Variants in GATA3 observed in about 807,000 individuals in gnomAD.
GATA3 encodes the protein trans-acting T-cell-specific transcription factor GATA-3.
In GATA3, 6 loss-of-function variants were observed where a neutral mutation model predicts 36.0. The ratio of observed to expected loss-of-function variants is 0.17; its 90% CI spans 0.09 to 0.33. The LOEUF (loss-of-function observed/expected upper bound fraction) is 0.33. Ranked by LOEUF, GATA3 falls within the 10% of genes least tolerant of loss-of-function variation. The pLI, the probability that GATA3 is intolerant of heterozygous loss-of-function variation, is 1.00. For synonymous variants in GATA3, 326 were observed against 273.0 expected (o/e 1.19, Z -1.92); for missense variants, 514 against 610.1 (o/e 0.84, Z 1.66).
At chr10:8,050,827 G>A (rs188900466), upstream of GATA3, 714 of 382,070 alleles carry the variant, frequency 1.9e-3, 7 homozygotes, top group East Asian at 0.025. Flanking sequence ...CGGGCGGCCC[G>A]AGGCACGCTC....
At position 8,075,040 on chromosome 10, in the gene GATA3, C is replaced by T. The variant is rs564050871; in HGVS notation, c.*1017C>T. On this transcript the variant is annotated 3_prime_UTR_variant, in exon 6 of 6. Coordinates refer to ENST00000379328, the MANE Select transcript of GATA3 (RefSeq NM_001002295.2). ...AGGGTAGCAGTGTATGAGCTACCAG[C>T]GTGCATGTCAGCGACCCTGGCCCGA... 2.1e-5 allele frequency: 5 copies of T among 233,210 alleles called. No homozygotes were observed. The East Asian group carries it at 3.0e-4, about 14-fold the overall frequency. The allele number at this position is 233,210 out of a possible 1,614,324, so 14.4% of individuals were successfully genotyped here.
At chr10:8,063,076 G>T (rs115480318) in intron 3 of GATA3, among the ~76,000 whole-genome samples, 1 of 152,112 alleles carries the variant, frequency 6.6e-6, no homozygotes, top group South Asian at 2.1e-4. Flanking sequence ...CTGGTTTTTC[G>T]TTTATTTTGT....
At chr10:8,073,654 G>C (rs1045370792) in intron 5 of GATA3, 85 bp from the exon 6 acceptor site, 1 of 1,453,710 alleles carries the variant, frequency 6.9e-7, no homozygotes, top group Non-Finnish European at 9.2e-7. Context: ...GCGGTCAGTG[G>C]AACCCTTCTT....
rs1211172014 is a variant in GATA3 at position 8,074,381 on chromosome 10, A to C, written c.*358A>C. ...CTGTAAGGCATGAAGGATGCCAAGAAGTTTAAGGAATATGGGAGAAATAGT... is the reference window on the plus strand; with the variant it reads ...CTGTAAGGCATGAAGGATGCCAAGACGTTTAAGGAATATGGGAGAAATAGT... On this transcript the variant is annotated 3_prime_UTR_variant, in exon 6 of 6. Transcript: ENST00000379328. 1 of 282,846 alleles carries C rather than the reference A, an allele frequency of 3.5e-6. No homozygotes were observed. 17.5% of individuals were successfully genotyped at this position (282,846 alleles called of 1,614,324 possible).
chr10:8,056,974 C>A (rs1832650635), intron 2 of GATA3, among the ~76,000 whole-genome samples: 1 of 152,214 alleles, frequency 6.6e-6, no homozygotes, highest in African/African-American at 2.4e-5. Flanking sequence ...TGCCTTGACA[C>A]GGATGACATA....
chr10:8,049,145 G>A (rs942585942), upstream of GATA3, among the ~76,000 whole-genome samples: 1 of 141,294 alleles, frequency 7.1e-6, no homozygotes, highest in Admixed American at 6.9e-5. Flanking sequence ...GGAAGGAAAA[G>A]AAAAAAGGGT....
intron 2 of GATA3, among the ~76,000 whole-genome samples, chr10:8,056,136 G>A (rs1832632977): frequency 6.6e-6 from 1 of 152,144 alleles, no homozygotes; most frequent in African/African-American, 2.4e-5. Flanking sequence ...CCTGGGGCCT[G>A]GCGCTCACCT....
At chr10:8,051,064 C>A, upstream of GATA3, 1 of 528,202 alleles carries the variant, frequency 1.9e-6, no homozygotes. Flanking sequence ...CAGAAAGCCG[C>A]GCCTCCGCTC....
chr10:8,055,333 G>T lies in GATA3; in HGVS notation c.-323G>T. ...CCTCCGAGCGGCTGAGGACCCCGGT[G>T]CAGAGGAGCCTGGCTCGCAGAATTG... On this transcript the variant is annotated 5_prime_UTR_variant, in exon 2 of 6. Coordinates refer to ENST00000379328, the MANE Select transcript of GATA3 (RefSeq NM_001002295.2). This position sits in a 1 kb window ranked among gnomAD's most constrained non-coding sequence, Gnocchi z 5.4. 1 of 477,348 alleles carries T rather than the reference G, an allele frequency of 2.1e-6. No homozygotes were observed. The highest frequency in any genetic ancestry group is 3.8e-6 in the Non-Finnish European group (1 of 263,868). 29.6% of individuals were successfully genotyped at this position (477,348 alleles called of 1,614,324 possible).
At chr10:8,051,280 C>A, upstream of GATA3, 1 of 306,460 alleles carries the variant, frequency 3.3e-6, no homozygotes, top group Non-Finnish European at 7.0e-6. Context: ...ATACCCCGCT[C>A]AACTTGACGC....
At chr10:8,062,417 G>A (rs1376142781) in intron 3 of GATA3, among the ~76,000 whole-genome samples, 3 of 148,894 alleles carry the variant, frequency 2.0e-5, no homozygotes, top group African/African-American at 7.5e-5. Context: ...CACCATCCCT[G>A]ACTTTCAAGG....
chr10:8,057,716 C>T (rs1458843493), intron 2 of GATA3, among the ~76,000 whole-genome samples: 4 of 152,156 alleles, frequency 2.6e-5, no homozygotes, highest in African/African-American at 9.7e-5. Flanking sequence ...CGGAAACTAA[C>T]CCTGAAAGTC....
intron 3 of GATA3, among the ~76,000 whole-genome samples, chr10:8,060,997 C>T (rs1832738257): frequency 6.6e-6 from 1 of 151,938 alleles, no homozygotes; most frequent in Admixed American, 6.6e-5. Context: ...TTTCGAGAAG[C>T]CCCTCCTTTT....
At chr10:8,066,882 T>C (rs1832852185) in intron 4 of GATA3, among the ~76,000 whole-genome samples, 3 of 152,210 alleles carry the variant, frequency 2.0e-5, no homozygotes, top group Admixed American at 1.3e-4. Context: ...TTGCTGTCAA[T>C]AGACTGCAAA....
chr10:8,067,484 G>T (rs193177650), intron 4 of GATA3, among the ~76,000 whole-genome samples: 212 of 152,230 alleles, frequency 1.4e-3, no homozygotes, highest in African/African-American at 4.9e-3. Flanking sequence ...TCGGGTGTTG[G>T]CTTCAACTTT....
chr10:8,063,920 C>T (rs2131500077), intron 3 of GATA3, 73 bp from the exon 4 acceptor site: 4 of 1,606,594 alleles, frequency 2.5e-6, no homozygotes, highest in Admixed American at 1.7e-5. Flanking sequence ...CGTTTCTCCC[C>T]CAGTTCCAAA....
chr10:8,046,345 C>T (rs1019775282), intron 1 of GATA3, among the ~76,000 whole-genome samples: 3 of 152,204 alleles, frequency 2.0e-5, no homozygotes, highest in Non-Finnish European at 4.4e-5. Flanking sequence ...AGGAAAGTGA[C>T]ACCGGTGATT....
chr10:8,048,780 C>T (rs1374737617), upstream of GATA3, among the ~76,000 whole-genome samples: 4 of 152,224 alleles, frequency 2.6e-5, no homozygotes, highest in Admixed American at 1.3e-4. Flanking sequence ...GTTGTTAAAC[C>T]CGAAAGCAGA....
chr10:8,071,210 C>T (rs554051522), intron 5 of GATA3, among the ~76,000 whole-genome samples: 2 of 152,258 alleles, frequency 1.3e-5, no homozygotes, highest in African/African-American at 4.8e-5. Context: ...AAAAGCAAGT[C>T]GCTTGCACAA....
Sources: gnomAD v4.1 joint callset for allele counts (sites outside exome capture counted in the v4.1 genomes callset) on GRCh38, gnomAD v4.1.1 for gene constraint, Gnocchi (gnomAD v3.1) non-coding constraint, MANE v1.5 for transcripts, NCBI Gene and HGNC (gene_info 2026-07-23, HGNC 2026-07-21) for gene names.